The following CREB1 variants were observed in gnomAD, a reference collection of about 807,000 sequenced individuals.
CREB1 encodes the protein cAMP responsive element binding protein 1, also known as cyclic AMP-responsive element-binding protein 1.
In CREB1, 2 loss-of-function variants were observed where a neutral mutation model predicts 42.0. The ratio of observed to expected loss-of-function variants is 0.05; its 90% CI spans 0.02 to 0.15. CREB1 has a LOEUF of 0.15. Ranked by LOEUF, CREB1 falls within the 10% of genes least tolerant of loss-of-function variation. The pLI is 1.00. For missense variants in CREB1, 199 were observed against 388.9 expected, an observed-to-expected ratio of 0.51 and a Z score of 4.11; for synonymous variants, 123 against 139.9, an observed-to-expected ratio of 0.88 and a Z score of 0.85.
chr2:207,555,924 A>G (rs1186064220), intron 2 of CREB1, among the ~76,000 whole-genome samples, 175 bp downstream of exon 2: 1 of 152,198 alleles, frequency 6.6e-6, no homozygotes, highest in Non-Finnish European at 1.5e-5. Flanking sequence ...GTATTAATTC[A>G]ATAACAGTAA....
chr2:207,571,897 G>T, intron 5 of CREB1: 1 of 318,712 alleles, frequency 3.1e-6, no homozygotes. Flanking sequence ...TGTTTAATTT[G>T]GTACACTCGT....
At chr2:207,592,639 G>A (rs542180486) in intron 7 of CREB1, among the ~76,000 whole-genome samples, 113 of 151,888 alleles carry the variant, frequency 7.4e-4, no homozygotes, top group African/African-American at 2.1e-3. Context: ...GAAAATTCTT[G>A]GCCAGGTGCA....
intron 7 of CREB1, among the ~76,000 whole-genome samples, chr2:207,590,658 A>G (rs1408096778): frequency 6.6e-6 from 1 of 152,122 alleles, no homozygotes; most frequent in Non-Finnish European, 1.5e-5. Flanking sequence ...GTAAAGGGCC[A>G]GATAGTAAAT....
At chr2:207,559,223 C>T (rs2081860125) in intron 2 of CREB1, 3 of 804,484 alleles carry the variant, frequency 3.7e-6, no homozygotes, top group Admixed American at 6.2e-5. Flanking sequence ...GCCACTACTC[C>T]ACTCTGTGCT....
In CREB1 at chr2:207,576,516, CTTAT is replaced by C; in HGVS notation, c.689-985_689-982del. 3 of 288,670 alleles carry C rather than the reference CTTAT, an allele frequency of 1.0e-5. No individual in the cohort carries two copies. In the South Asian group the frequency reaches 1.1e-4, roughly 11 times the overall value. The allele number at this position is 288,670 out of a possible 1,614,324, so 17.9% of individuals were successfully genotyped here. Reference sequence around the variant, plus strand: ...AAACACCAACTGGAGAGAGTCATAACTTATTTAAAGAGCCCTAATGTTTACAGAA... The same window carrying C: ...AAACACCAACTGGAGAGAGTCATAACTTAAAGAGCCCTAATGTTTACAGAA... On this transcript the variant is annotated intron_variant, in intron 6 of 7. Coordinates refer to ENST00000353267, the MANE Select transcript of CREB1 (RefSeq NM_004379.5).
At chr2:207,564,754 A>G (rs965358987) in intron 3 of CREB1, among the ~76,000 whole-genome samples, 35 of 152,150 alleles carry the variant, frequency 2.3e-4, no homozygotes, top group Non-Finnish European at 2.4e-4. Flanking sequence ...AAGTTGAGAA[A>G]TACAGACCTA....
rs1443817380 is a variant in CREB1 at position 207,603,375 on chromosome 2, A to G, written c.*6317A>G. ...AATCTTTGTGGTATCAACTGTCATA[A>G]TGCTCTTTTTACACAAACATTTATG... On this transcript the variant is annotated 3_prime_UTR_variant, in exon 8 of 8. Coordinates refer to ENST00000353267, the MANE Select transcript of CREB1 (RefSeq NM_004379.5). The G allele has an allele frequency of 1.3e-5, 3 of 224,848 alleles. No homozygotes were observed. The highest frequency in any genetic ancestry group is 1.8e-5 in the Non-Finnish European group (2 of 112,884). 13.9% of individuals were successfully genotyped at this position (224,848 alleles called of 1,614,324 possible).
rs138513652 is a variant in CREB1 at position 207,605,728 on chromosome 2, G to A, written c.*8670G>A. Among the ~76,000 whole-genome samples, 212 of 152,248 alleles carry A rather than the reference G, an allele frequency of 1.4e-3. 1 individual carries two copies. Among genetic ancestry groups the A allele is most frequent in the African/African-American group, 4.8e-3 (199 of 41,540 alleles). On this transcript the variant is annotated 3_prime_UTR_variant, in exon 8 of 8. Transcript: ENST00000353267. Reference sequence around the variant, plus strand: ...TACAGTTTAACCAGTCCTCTTCTGGGGACATTTGGCTGTTTGAAATTTTTT... The same window carrying A: ...TACAGTTTAACCAGTCCTCTTCTGGAGACATTTGGCTGTTTGAAATTTTTT...
chr2:207,554,796 T>C (rs988939264), intron 1 of CREB1, among the ~76,000 whole-genome samples: 9 of 152,204 alleles, frequency 5.9e-5, no homozygotes, highest in Non-Finnish European at 1.3e-4. Context: ...TACAGTATAG[T>C]GTTGCATGCT....
intron 7 of CREB1, chr2:207,580,914 G>A (rs1218965800): frequency 4.6e-6 from 1 of 217,962 alleles, no homozygotes. Context: ...CTTGATTTTG[G>A]TGAACGTTAC....
chr2:207,562,660 A>G (rs1207531159), intron 3 of CREB1, among the ~76,000 whole-genome samples: 1 of 152,192 alleles, frequency 6.6e-6, no homozygotes, highest in African/African-American at 2.4e-5. Context: ...GGCCTAAACT[A>G]TAGAATATCT....
chr2:207,573,202 TTCTG>T (rs1160262301), intron 5 of CREB1, among the ~76,000 whole-genome samples: 3 of 152,246 alleles, frequency 2.0e-5, no homozygotes, highest in Admixed American at 1.3e-4. Flanking sequence ...GTTACTTGAC[TTCTG>T]TCTTTTTATT....
rs1210656089 is a variant in CREB1 at position 207,570,320 on chromosome 2, T to C, written c.504T>C (p.Tyr168=). The change falls in exon 5 of 8, where the codon TAT becomes TAC. Residue 168 remains tyrosine, a splice_region_variant and synonymous_variant. Transcript: ENST00000353267. ...TTTACCAAACTAGCAGTGGACAGTA[T>C]AGTGAGTAATAGACAATTTCTGTTT... is the stretch of plus-strand genomic sequence containing the variant. The part of the protein sequence containing the change: ...TPIYQTSSGQ[Y]IAITQGGAIQ... 4 of 1,593,610 alleles carry C rather than the reference T, an allele frequency of 2.5e-6. No homozygotes were observed. In the Admixed American group the frequency reaches 5.5e-5, roughly 22 times the overall value.
At chr2:207,531,876 A>G (rs986087693) in intron 1 of CREB1, among the ~76,000 whole-genome samples, 3 of 152,238 alleles carry the variant, frequency 2.0e-5, no homozygotes, top group Non-Finnish European at 4.4e-5. Flanking sequence ...TTAAAAGACC[A>G]CATTGGCAAT....
chr2:207,532,181 C>A (rs1169584799), intron 1 of CREB1, among the ~76,000 whole-genome samples: 1 of 151,790 alleles, frequency 6.6e-6, no homozygotes, highest in East Asian at 1.9e-4. Context: ...ATGATGAAAC[C>A]CCATCTCTAC....
chr2:207,548,805 GT>G lies in CREB1; in HGVS notation c.-8-6818del, dbSNP rs778045154. Among the ~76,000 whole-genome samples, 664 of 152,080 alleles carry G rather than the reference GT, an allele frequency of 4.4e-3. 5 individuals are homozygous for G. The highest frequency in any genetic ancestry group is 6.2e-3 in the Non-Finnish European group (419 of 68,002). The stretch of plus-strand genomic sequence containing the variant: ...ATTCCTTTTTGCTATTTATTGCCCT[GT>G]TTTTGATGACTATGGTGGTGGTTGG... On this transcript the variant is annotated intron_variant, in intron 1 of 7. Coordinates refer to ENST00000353267, the MANE Select transcript of CREB1 (RefSeq NM_004379.5).
At chr2:207,532,333 A>G (rs12467171) in intron 1 of CREB1, among the ~76,000 whole-genome samples, 3 of 151,740 alleles carry the variant, frequency 2.0e-5, no homozygotes, top group Admixed American at 1.3e-4. Flanking sequence ...AAGAAAAAAA[A>G]AAAAAAGAAA....
chr2:207,587,320 A>G (rs2464977), intron 7 of CREB1, among the ~76,000 whole-genome samples: 148,880 of 151,344 alleles, frequency 0.98, 73,272 homozygotes, highest in East Asian at 1. Context: ...GTGAACCCGG[A>G]AGGCAGAGCT....
In CREB1 at chr2:207,605,926, T is replaced by TGA. The variant is rs1559102699; in HGVS notation, c.*8868_*8869insGA. On this transcript the variant is annotated 3_prime_UTR_variant, in exon 8 of 8. Transcript: ENST00000353267. Reference sequence around the variant, plus strand: ...TTTATTAACTTATGTTGATTACTATTTTTATGTCAAACTTTACAGTCTAGG... The same window carrying TGA: ...TTTATTAACTTATGTTGATTACTATTGATTTATGTCAAACTTTACAGTCTAGG... Among the ~76,000 whole-genome samples, 1 of 152,248 alleles carries TGA rather than the reference T, an allele frequency of 6.6e-6. No individual in the cohort carries two copies. Among genetic ancestry groups the TGA allele is most frequent in the Non-Finnish European group, 1.5e-5 (1 of 68,026 alleles).
Sources: allele counts gnomAD v4.1 joint callset (sites outside exome capture counted in the v4.1 genomes callset), GRCh38; gene constraint gnomAD v4.1.1; transcripts MANE v1.5; gene names NCBI Gene and HGNC (gene_info 2026-07-23, HGNC 2026-07-21).